The following MILR1 variants were observed in gnomAD, a reference collection of about 807,000 sequenced individuals.
MILR1 encodes allergin-1.
MILR1 carries 31 observed loss-of-function variants against 18.5 expected under a neutral mutation model. The observed-to-expected ratio is 1.68, with a 90% CI of 1.26 to 2.26. The LOEUF (loss-of-function observed/expected upper bound fraction) is 2.26. Among genes scored for constraint, MILR1 ranks in the 30% most tolerant of loss-of-function variants. The pLI, the probability that MILR1 is intolerant of heterozygous loss-of-function variation, is 0.00. For missense variants in MILR1, 257 were observed against 157.4 expected, an observed-to-expected ratio of 1.63 and a Z score of -3.38; for synonymous variants, 85 against 56.2, an observed-to-expected ratio of 1.51 and a Z score of -2.30.
the MILR1 span, chr17:64,485,935 C>T: frequency 1.5e-5 from 22 of 1,517,170 alleles, no homozygotes; most frequent in South Asian, 2.3e-5. Flanking sequence ...GTTTTTGAGA[C>T]GGAGTCTCAC....
the MILR1 span, chr17:64,480,236 A>G: frequency 1.5e-6 from 1 of 673,900 alleles, no homozygotes; most frequent in Non-Finnish European, 2.5e-6. Context: ...ATTCATAAAC[A>G]TAATCAAAAA....
At chr17:64,463,458 A>G (rs2037476146) in intron 5 of MILR1, among the ~76,000 whole-genome samples, 1 of 152,168 alleles carries the variant, frequency 6.6e-6, no homozygotes, top group Non-Finnish European at 1.5e-5. Context: ...CAGCAAGCTG[A>G]GGGCTGTTGG....
At chr17:64,451,759 C>T (rs2037175403) in intron 2 of MILR1, among the ~76,000 whole-genome samples, 2 of 151,826 alleles carry the variant, frequency 1.3e-5, no homozygotes, top group South Asian at 2.1e-4. Flanking sequence ...ATGGTGAAAC[C>T]CTGTCTCTAC....
At chr17:64,468,651 C>G, downstream of MILR1, 1 of 1,120,788 alleles carries the variant, frequency 8.9e-7, no homozygotes, top group Middle Eastern at 4.2e-4. Flanking sequence ...GCATCCTTCT[C>G]TGAGCCTTCT....
the MILR1 span, among the ~76,000 whole-genome samples, chr17:64,484,999 TGAGAA>T: frequency 6.6e-5 from 10 of 152,176 alleles, no homozygotes; most frequent in African/African-American, 2.2e-4. Flanking sequence ...CCTAACTCCC[TGAGAA>T]AATAGAGGGC....
intron 8 of MILR1, 124 bp from the exon 9 acceptor site, chr17:64,467,441 G>A (rs1555663658): frequency 3.2e-6 from 2 of 633,374 alleles, no homozygotes; most frequent in African/African-American, 1.9e-5. Context: ...ATTTAACACA[G>A]TCCAGGAAAA....
rs1278934349 is a variant in MILR1 at position 64,454,797 on chromosome 17, C to T, written c.367+1931C>T. On this transcript the variant is annotated intron_variant, in intron 3 of 9. Transcript: ENST00000619286. Reference sequence around the variant, plus strand: ...TCACCTGAGCCCAGGAGTTTGAGACCAGCCTGGGAACTATGTGGAGACTGT... The same window carrying T: ...TCACCTGAGCCCAGGAGTTTGAGACTAGCCTGGGAACTATGTGGAGACTGT... Among the ~76,000 whole-genome samples the T allele has an allele frequency of 2.0e-5, 3 of 151,976 alleles. No individual in the cohort carries two copies. In the East Asian group the frequency reaches 5.8e-4, roughly 29 times the overall value.
chr17:64,494,047 A>G, the MILR1 span, among the ~76,000 whole-genome samples: 2 of 152,134 alleles, frequency 1.3e-5, no homozygotes, highest in East Asian at 1.9e-4. Context: ...TTTCACCCCA[A>G]ATATCTTTTA....
chr17:64,497,311 A>G, the MILR1 span, among the ~76,000 whole-genome samples: 2 of 152,224 alleles, frequency 1.3e-5, no homozygotes, highest in Non-Finnish European at 2.9e-5. Flanking sequence ...TCCTTCTGCC[A>G]CTGTTTTGCA....
At chr17:64,484,856 A>G in the MILR1 span, among the ~76,000 whole-genome samples, 3 of 152,194 alleles carry the variant, frequency 2.0e-5, no homozygotes, top group East Asian at 3.8e-4. Context: ...TCCCAATCCC[A>G]GCTGAACACT....
intron 8 of MILR1, 58 bp from the exon 9 acceptor site, chr17:64,467,507 A>T: frequency 9.8e-6 from 11 of 1,116,908 alleles, no homozygotes; most frequent in Non-Finnish European, 1.4e-5. Flanking sequence ...TAGGATTTTT[A>T]AAAACAGCCT....
chr17:64,458,601 C>T (rs1261851093), intron 4 of MILR1, among the ~76,000 whole-genome samples: 1 of 151,892 alleles, frequency 6.6e-6, no homozygotes, highest in African/African-American at 2.4e-5. Context: ...TCCTGCACCA[C>T]CCTTGGCTCA....
Position 64,465,449 on chromosome 17 carries a change from T to C in MILR1, c.764-3T>C. 7 of 1,593,522 alleles carry C rather than the reference T, an allele frequency of 4.4e-6. No homozygotes were observed. Among genetic ancestry groups the C allele is most frequent in the Non-Finnish European group, 6.0e-6 (7 of 1,165,392 alleles). On this transcript the variant is annotated splice_polypyrimidine_tract_variant and splice_region_variant and intron_variant, in intron 5 of 9. Transcript: ENST00000619286. The stretch of plus-strand genomic sequence containing the variant: ...ATTTGATGATTCCTACCTATTTACG[T>C]AGGAAAAGCTATGAGAAATAATGTG...
At chr17:64,474,022 T>C in the MILR1 span, among the ~76,000 whole-genome samples, 2 of 152,308 alleles carry the variant, frequency 1.3e-5, no homozygotes, top group Admixed American at 1.3e-4. Context: ...TCTGCAGTCC[T>C]GAATTTGAGT....
At chr17:64,455,054 GA>G (rs1341322990) in intron 3 of MILR1, among the ~76,000 whole-genome samples, 4 of 152,120 alleles carry the variant, frequency 2.6e-5, no homozygotes, top group African/African-American at 9.7e-5. Context: ...TATTCCTTGT[GA>G]AAGGAAAAGG....
rs935741578 is a variant in MILR1, at chr17:64,457,502, A to G, written c.470A>G (p.Asn157Ser). 22 of 475,398 alleles carry G rather than the reference A, an allele frequency of 4.6e-5. No individual in the cohort carries two copies. In the Admixed American group the frequency reaches 6.9e-4, roughly 15 times the overall value. 29.4% of individuals were successfully genotyped at this position (475,398 alleles called of 1,614,324 possible). A position where few individuals can be genotyped will look rare whatever the true frequency, so the allele number is the denominator to read the frequency against. The part of the protein sequence containing the change: ...CLSVNGSLPI[N>S]YTFFENHVAI... ...TCAGTCAATGGCTCGCTGCCCATCA[A>G]TTACACTTTCTTTGAAAACCATGTT... Residue 157 changes from asparagine to serine, a missense_variant, in exon 4 of 10, where the codon AAT becomes AGT. Physicochemically the swap from Asn to Ser is conservative, Grantham distance 46 (BLOSUM62 1). Transcript: ENST00000619286.
chr17:64,492,742 T>G, the MILR1 span: 1 of 1,613,120 alleles, frequency 6.2e-7, no homozygotes, highest in Non-Finnish European at 8.5e-7. Context: ...GAGTAAACCA[T>G]ACTAACGAAG....
chr17:64,455,712 G>A (rs2037281209), intron 3 of MILR1, among the ~76,000 whole-genome samples: 1 of 148,570 alleles, frequency 6.7e-6, no homozygotes, highest in Non-Finnish European at 1.5e-5. Context: ...TGCCCACCTC[G>A]GCCTCCCAAA....
chr17:64,492,510 G>C, the MILR1 span, among the ~76,000 whole-genome samples: 1 of 152,072 alleles, frequency 6.6e-6, no homozygotes, highest in Admixed American at 6.5e-5. Context: ...TTGTAATCTA[G>C]AACAATGAAA....
Sources: gnomAD v4.1 joint callset for allele counts (sites outside exome capture counted in the v4.1 genomes callset) on GRCh38, gnomAD v4.1.1 for gene constraint, MANE v1.5 for transcripts, NCBI Gene and HGNC (gene_info 2026-07-23, HGNC 2026-07-21) for gene names.